Variants in CFAP47 observed in about 807,000 individuals in gnomAD.
CFAP47 encodes the protein cilia and flagella associated protein 47, also known as cilia- and flagella-associated protein 47.
A neutral mutation model predicts 148.1 loss-of-function variants in CFAP47; 29 were observed. The ratio of observed to expected loss-of-function variants is 0.20; its 90% CI spans 0.15 to 0.27. The LOEUF is 0.27. Ranked by LOEUF, CFAP47 falls within the 10% of genes least tolerant of loss-of-function variation. CFAP47 has a pLI of 1.00. For synonymous variants in CFAP47, 664 were observed against 577.3 expected (o/e 1.15, Z -2.15); for missense variants, 1,872 against 1,697.5 (o/e 1.10, Z -1.81).
intron 57 of CFAP47, among the ~76,000 whole-genome samples, chrX:36,326,153 A>C (rs1941515871): frequency 9.0e-6 from 1 of 111,371 alleles, no homozygotes; most frequent in Non-Finnish European, 1.9e-5. Flanking sequence ...CCTTGCAGTA[A>C]TACCATACTG....
At chrX:36,060,444 A>C (rs112145121) in intron 26 of CFAP47, among the ~76,000 whole-genome samples, 3 of 111,989 alleles carry the variant, frequency 2.7e-5, no homozygotes, top group African/African-American at 9.7e-5. Flanking sequence ...AGAGATTTTG[A>C]AATTTCAAAA....
chrX:36,065,937 G>T (rs1009425943), intron 27 of CFAP47, among the ~76,000 whole-genome samples, 194 bp downstream of exon 27: 1 of 112,241 alleles, frequency 8.9e-6, no homozygotes, highest in Non-Finnish European at 1.9e-5. Flanking sequence ...TGAATAGAAT[G>T]ATTTGGGCAA....
At chrX:35,946,653 A>T (rs143145804) in intron 3 of CFAP47, among the ~76,000 whole-genome samples, 8 of 112,201 alleles carry the variant, frequency 7.1e-5, no homozygotes, top group African/African-American at 2.6e-4. Flanking sequence ...TATTTTCATT[A>T]CTTTTATTGT....
intron 1 of CFAP47, among the ~76,000 whole-genome samples, chrX:35,924,185 ATG>A (rs1481810000): frequency 6.7e-5 from 7 of 104,449 alleles, no homozygotes; most frequent in African/African-American, 1.1e-4. Context: ...GTATGCGTAC[ATG>A]TATGTGTATA....
At chrX:36,137,467 G>T (rs1939063836) in intron 33 of CFAP47, among the ~76,000 whole-genome samples, 1 of 110,337 alleles carries the variant, frequency 9.1e-6, no homozygotes, top group Non-Finnish European at 1.9e-5. Flanking sequence ...GCCTTTTATA[G>T]GTCAATTTTG....
chrX:36,085,335 C>A lies in CFAP47; in HGVS notation c.4713C>A (p.Phe1571Leu), dbSNP rs1453288805. Residue 1571 changes from phenylalanine to leucine, a missense_variant, in exon 30 of 64, where the codon TTC becomes TTA. Transcript: ENST00000378653. ...TIRRDVYKMQFYSSTSPPQKF... is the reference protein window; with the variant it reads ...TIRRDVYKMQLYSSTSPPQKF... Reference sequence around the variant, plus strand: ...ATAGGGATGTATATAAAATGCAATTCTACTCATCAACCTCGCCACCCCAAA... The same window carrying A: ...ATAGGGATGTATATAAAATGCAATTATACTCATCAACCTCGCCACCCCAAA... 41 of 1,190,881 alleles carry A rather than the reference C, an allele frequency of 3.4e-5. No individual in the cohort carries two copies. In the Admixed American group the frequency reaches 8.9e-4, roughly 26 times the overall value.
chrX:36,331,280 T>A (rs1484986821), intron 57 of CFAP47, among the ~76,000 whole-genome samples: 2 of 111,571 alleles, frequency 1.8e-5, no homozygotes, highest in Non-Finnish European at 3.8e-5. Flanking sequence ...AATCTGTCAT[T>A]GTTCACTCTT....
At chrX:36,232,411 G>C (rs1161546871) in intron 46 of CFAP47, among the ~76,000 whole-genome samples, 2 of 111,646 alleles carry the variant, frequency 1.8e-5, no homozygotes, top group Non-Finnish European at 3.8e-5. Context: ...AGAGGTGTTT[G>C]TAGTATTCTC....
Position 35,919,881 on chromosome X carries a change from C to T in CFAP47, c.82C>T (p.Pro28Ser), listed in dbSNP as rs1935548543. ...AMSIQRGSLVPRDMDSSGRDM... is the reference protein window; with the variant it reads ...AMSIQRGSLVSRDMDSSGRDM... ...GAGCATCCAAAGGGGTTCCCTCGTC[C>T]CCCGGGATATGGATAGCTCGGGTAG... Residue 28 changes from proline to serine, a missense_variant, in exon 1 of 64, where the codon CCC (proline) becomes TCC (serine). By Grantham distance (74) the Pro-to-Ser change is moderately conservative. Transcript: ENST00000378653. The T allele has an allele frequency of 8.3e-7, 1 of 1,210,888 alleles. No homozygotes were observed. The highest frequency in any genetic ancestry group is 3.0e-5 in the East Asian group (1 of 33,772).
chrX:36,084,020 A>G (rs1938035309), intron 29 of CFAP47, among the ~76,000 whole-genome samples: 1 of 110,741 alleles, frequency 9.0e-6, no homozygotes, highest in Non-Finnish European at 1.9e-5. Context: ...TCTATGACCT[A>G]TATTTCATTG....
chrX:36,262,511 T>C (rs925166626), intron 49 of CFAP47, among the ~76,000 whole-genome samples: 6 of 112,097 alleles, frequency 5.4e-5, no homozygotes, highest in Non-Finnish European at 1.1e-4. Flanking sequence ...CATAACGATC[T>C]CCAATTGCAT....
chrX:35,996,153 G>A (rs1206138015), intron 18 of CFAP47, among the ~76,000 whole-genome samples: 1 of 111,209 alleles, frequency 9.0e-6, no homozygotes, highest in Admixed American at 9.6e-5. Flanking sequence ...AGTTTTGGAT[G>A]AATAAGGAAT....
intron 57 of CFAP47, among the ~76,000 whole-genome samples, chrX:36,319,633 T>C (rs111250563): frequency 0.05 from 5,534 of 110,420 alleles, 388 homozygotes; most frequent in African/African-American, 0.17. Context: ...AAATTATAAA[T>C]AGTGTGTTAA....
intron 26 of CFAP47, 38 bp downstream of exon 26, chrX:36,047,101 T>A: frequency 1.1e-6 from 1 of 882,534 alleles, no homozygotes; most frequent in Non-Finnish European, 1.6e-6. Flanking sequence ...GTATCTGACA[T>A]TAAAGAATAA....
intron 57 of CFAP47, among the ~76,000 whole-genome samples, chrX:36,339,453 G>C (rs1220183550): frequency 8.9e-6 from 1 of 111,750 alleles, no homozygotes; most frequent in African/African-American, 3.2e-5. Flanking sequence ...CACTTTCCTA[G>C]AAAAATATAC....
intron 60 of CFAP47, 143 bp from the exon 61 acceptor site, chrX:36,361,187 G>C (rs1941825228): frequency 6.3e-6 from 2 of 317,483 alleles, no homozygotes; most frequent in African/African-American, 5.4e-5. Context: ...TAATGCACTA[G>C]ACTTTATAGA....
At chrX:36,240,162 A>G (rs782021854) in intron 48 of CFAP47, among the ~76,000 whole-genome samples, 2 of 111,915 alleles carry the variant, frequency 1.8e-5, no homozygotes, top group African/African-American at 3.2e-5. Context: ...CAAAGTGGCT[A>G]TATTACCTTA....
At chrX:36,381,012 A>ATAT (rs1556024033) in intron 63 of CFAP47, among the ~76,000 whole-genome samples, 15 of 111,917 alleles carry the variant, frequency 1.3e-4, no homozygotes, top group Non-Finnish European at 2.8e-4. Context: ...TGCCATTTTT[A>ATAT]GCCTGAAGTG....
At chrX:36,034,081 C>A (rs1434479112) in intron 23 of CFAP47, among the ~76,000 whole-genome samples, 3 of 111,508 alleles carry the variant, frequency 2.7e-5, no homozygotes, top group Non-Finnish European at 5.7e-5. Flanking sequence ...CATTTACTGT[C>A]CCAGGGTCCA....
Sources: gnomAD v4.1 joint callset for allele counts (sites outside exome capture counted in the v4.1 genomes callset) on GRCh38, gnomAD v4.1.1 for gene constraint, MANE v1.5 for transcripts, NCBI Gene and HGNC (gene_info 2026-07-23, HGNC 2026-07-21) for gene names.